The following CFAP77 variants were observed in gnomAD, a reference collection of about 807,000 sequenced individuals.
The protein encoded by CFAP77 is cilia- and flagella-associated protein 77.
In CFAP77, 25 loss-of-function variants were observed where a neutral mutation model predicts 31.1. That is an observed-to-expected ratio of 0.80 (90% CI 0.59 to 1.12). The LOEUF is 1.12. Ranked by LOEUF, CFAP77 falls within the 50% of genes most tolerant of loss-of-function variation. The pLI, the probability that CFAP77 is intolerant of heterozygous loss-of-function variation, is 0.00. For synonymous variants in CFAP77, 151 were observed against 159.9 expected, an observed-to-expected ratio of 0.94 and a Z score of 0.42; for missense variants, 377 against 397.3, an observed-to-expected ratio of 0.95 and a Z score of 0.44.
At chr9:132,547,218 G>A (rs1198425695) in intron 5 of CFAP77, among the ~76,000 whole-genome samples, 3 of 152,200 alleles carry the variant, frequency 2.0e-5, no homozygotes, top group African/African-American at 7.2e-5. Context: ...CTGTGTGCAC[G>A]CATGACTCCA....
chr9:132,541,718 C>A (rs1480238882), intron 4 of CFAP77, among the ~76,000 whole-genome samples: 3 of 152,000 alleles, frequency 2.0e-5, no homozygotes, highest in Non-Finnish European at 2.9e-5. Flanking sequence ...ACAACAACAA[C>A]AAAAAACACA....
At chr9:132,530,759 G>A (rs998626338) in intron 3 of CFAP77, among the ~76,000 whole-genome samples, 3 of 152,120 alleles carry the variant, frequency 2.0e-5, no homozygotes, top group Admixed American at 1.3e-4. Context: ...CAGAGCAAAC[G>A]TTTTTAATTC....
chr9:132,453,353 C>T (rs899751415), intron 1 of CFAP77, among the ~76,000 whole-genome samples: 1 of 149,008 alleles, frequency 6.7e-6, no homozygotes, highest in African/African-American at 2.6e-5. Flanking sequence ...GGTGAAACTC[C>T]GTCTCTGCTA....
At chr9:132,540,204 AC>A (rs1471868141) in intron 4 of CFAP77, among the ~76,000 whole-genome samples, 6 of 152,014 alleles carry the variant, frequency 3.9e-5, no homozygotes, top group African/African-American at 1.5e-4. Context: ...TTCTGGGACT[AC>A]AGGCATGAGC....
intron 3 of CFAP77, among the ~76,000 whole-genome samples, chr9:132,536,585 G>A (rs1454568844): frequency 6.6e-6 from 1 of 152,026 alleles, no homozygotes; most frequent in Non-Finnish European, 1.5e-5. Context: ...GTAGAGACAG[G>A]GCTTCACCAT....
intron 1 of CFAP77, 45 bp downstream of exon 1, chr9:132,410,511 G>C (rs1460090150): frequency 8.1e-6 from 12 of 1,486,572 alleles, no homozygotes; most frequent in Non-Finnish European, 1.1e-5. Context: ...GCCGGCTCCG[G>C]GCACCTGCGC....
At chr9:132,521,060 C>T in intron 3 of CFAP77, among the ~76,000 whole-genome samples, 1 of 152,246 alleles carries the variant, frequency 6.6e-6, no homozygotes, top group East Asian at 1.9e-4. Flanking sequence ...TCCAGCCTGT[C>T]CTCGGCTTCA....
At chr9:132,556,890 A>T (rs1422103377) in intron 5 of CFAP77, among the ~76,000 whole-genome samples, 2 of 151,992 alleles carry the variant, frequency 1.3e-5, no homozygotes, top group Admixed American at 1.3e-4. Context: ...CGCCTCCTCC[A>T]CCGCAAATTA....
At chr9:132,479,579 G>C (rs1213129875) in intron 1 of CFAP77, among the ~76,000 whole-genome samples, 1 of 152,218 alleles carries the variant, frequency 6.6e-6, no homozygotes, top group African/African-American at 2.4e-5. Context: ...CACCAGTGAT[G>C]CTCCTCCGAG....
intron 1 of CFAP77, among the ~76,000 whole-genome samples, chr9:132,434,727 C>T (rs1273276519): frequency 6.6e-6 from 1 of 152,114 alleles, no homozygotes; most frequent in Non-Finnish European, 1.5e-5. Context: ...CCCCAAGCGC[C>T]CATGAGCAGT....
At chr9:132,484,685 A>G (rs959590851) in intron 1 of CFAP77, among the ~76,000 whole-genome samples, 1 of 150,416 alleles carries the variant, frequency 6.6e-6, no homozygotes, top group Admixed American at 6.6e-5. Context: ...TAACGCTGCT[A>G]TGAACACGCA....
At chr9:132,415,300 C>T (rs1850076705) in intron 1 of CFAP77, among the ~76,000 whole-genome samples, 1 of 152,014 alleles carries the variant, frequency 6.6e-6, no homozygotes, top group African/African-American at 2.4e-5. Flanking sequence ...CTTTTTAAAC[C>T]AAAGTCTCCC....
At chr9:132,435,168 A>T (rs1850484652) in intron 1 of CFAP77, among the ~76,000 whole-genome samples, 1 of 152,150 alleles carries the variant, frequency 6.6e-6, no homozygotes, top group South Asian at 2.1e-4. Flanking sequence ...GAGGGAATGC[A>T]ACCCAGGCAA....
At chr9:132,540,032 A>G (rs1852613173) in intron 4 of CFAP77, among the ~76,000 whole-genome samples, 1 of 152,080 alleles carries the variant, frequency 6.6e-6, no homozygotes, top group Admixed American at 6.6e-5. Context: ...CCTGGGTTCA[A>G]GTGATTCTCC....
At chr9:132,504,751 T>C (rs892954540) in intron 3 of CFAP77, among the ~76,000 whole-genome samples, 2 of 151,888 alleles carry the variant, frequency 1.3e-5, no homozygotes, top group African/African-American at 4.8e-5. Context: ...AAATGGCTTC[T>C]GGAAAAGCTT....
rs1194220312 is a variant in CFAP77 at position 132,539,026 on chromosome 9, G to A, written c.630+1320G>A. Among the ~76,000 whole-genome samples, 1 of 152,166 alleles carries A rather than the reference G, an allele frequency of 6.6e-6. No individual in the cohort carries two copies. Among genetic ancestry groups the A allele is most frequent in the Non-Finnish European group, 1.5e-5 (1 of 68,034 alleles). ...TGCTTGGACCCAGGAGGTGGAGGTTGCAGTGAGCCAAGATCGTGCCACTGC... is the reference window on the plus strand; with the variant it reads ...TGCTTGGACCCAGGAGGTGGAGGTTACAGTGAGCCAAGATCGTGCCACTGC... On this transcript the variant is annotated intron_variant, in intron 4 of 5. Transcript: ENST00000393216. This position sits in a 1 kb window ranked among gnomAD's most constrained non-coding sequence, Gnocchi z 4.3.
chr9:132,530,095 A>C (rs954676534), intron 3 of CFAP77, among the ~76,000 whole-genome samples: 2 of 146,568 alleles, frequency 1.4e-5, no homozygotes, highest in Non-Finnish European at 3.0e-5. Flanking sequence ...CTTTGATGAA[A>C]TATCTCTTCA....
Position 132,490,154 on chromosome 9 carries a change from C to T in CFAP77, c.196-8541C>T, listed in dbSNP as rs943838373. 6.6e-6 allele frequency among the ~76,000 whole-genome samples: 1 copy of T among 152,056 alleles called. No individual in the cohort carries two copies. Among genetic ancestry groups the T allele is most frequent in the Non-Finnish European group, 1.5e-5 (1 of 68,010 alleles). Reference sequence around the variant, plus strand: ...AGAAGGGGATAAAAAGGGCGAACTCCCTCCATCAAGGCCTTTTATAAGGGC... The same window carrying T: ...AGAAGGGGATAAAAAGGGCGAACTCTCTCCATCAAGGCCTTTTATAAGGGC... On this transcript the variant is annotated intron_variant, in intron 1 of 5. Coordinates refer to ENST00000393216, the MANE Select transcript of CFAP77 (RefSeq NM_001282957.2). This position sits in a 1 kb window ranked among gnomAD's most constrained non-coding sequence, Gnocchi z 4.6.
chr9:132,429,780 CG>C (rs1402553949), intron 1 of CFAP77, among the ~76,000 whole-genome samples: 1 of 151,974 alleles, frequency 6.6e-6, no homozygotes, highest in Non-Finnish European at 1.5e-5. Flanking sequence ...GGTGTGAACC[CG>C]GGAGGTGGAC....
Sources: allele counts gnomAD v4.1 joint callset (sites outside exome capture counted in the v4.1 genomes callset), GRCh38; gene constraint gnomAD v4.1.1; non-coding constraint Gnocchi (gnomAD v3.1); transcripts MANE v1.5; gene names NCBI Gene and HGNC (gene_info 2026-07-23, HGNC 2026-07-21).